The following ACTR3C variants were observed in gnomAD, a reference collection of about 807,000 sequenced individuals.
ACTR3C encodes actin-related protein 3C.
Under a neutral mutation model 26.3 loss-of-function variants are expected in ACTR3C, and 18 were observed. The ratio of observed to expected loss-of-function variants is 0.68; its 90% CI spans 0.47 to 1.01. The LOEUF (loss-of-function observed/expected upper bound fraction) is 1.01. Among genes scored for constraint, ACTR3C ranks in the 50% least tolerant of loss-of-function variants. ACTR3C has a pLI of 0.00. For missense variants in ACTR3C, 184 were observed against 250.7 expected (o/e 0.73, Z 1.80); for synonymous variants, 55 against 94.5 (o/e 0.58, Z 2.42).
chr7:150,100,147 G>A, the ACTR3C span, among the ~76,000 whole-genome samples: 2 of 151,558 alleles, frequency 1.3e-5, no homozygotes, highest in East Asian at 3.8e-4. Flanking sequence ...TGGATCCTTG[G>A]CTTCCACATA....
At chr7:150,018,966 T>C in the ACTR3C span, among the ~76,000 whole-genome samples, 2 of 150,400 alleles carry the variant, frequency 1.3e-5, no homozygotes, top group South Asian at 2.1e-4. Context: ...GTAATATAAA[T>C]TGAGAAAACA....
the ACTR3C span, among the ~76,000 whole-genome samples, chr7:150,096,131 C>G: frequency 4.8e-3 from 710 of 149,102 alleles, 39 homozygotes; most frequent in African/African-American, 0.017. Context: ...TTCACTTACA[C>G]ATTTTTATTT....
At chr7:150,115,236 C>G in the ACTR3C span, among the ~76,000 whole-genome samples, 1 of 152,160 alleles carries the variant, frequency 6.6e-6, no homozygotes, top group Non-Finnish European at 1.5e-5. Context: ...TGACAAACCC[C>G]AACTCTTTCA....
At chr7:150,252,870 T>C (rs1832950250) in intron 6 of ACTR3C, among the ~76,000 whole-genome samples, 1 of 152,170 alleles carries the variant, frequency 6.6e-6, no homozygotes, top group Non-Finnish European at 1.5e-5. Context: ...TTTTTATTAA[T>C]ATGATATATT....
At chr7:150,034,812 G>GT in the ACTR3C span, among the ~76,000 whole-genome samples, 2 of 139,660 alleles carry the variant, frequency 1.4e-5, no homozygotes, top group African/African-American at 2.7e-5. Flanking sequence ...TCCCCGCCTC[G>GT]TGGGGGGTGC....
At chr7:150,206,204 T>A in the ACTR3C span, among the ~76,000 whole-genome samples, 6 of 152,176 alleles carry the variant, frequency 3.9e-5, no homozygotes, top group African/African-American at 1.4e-4. Flanking sequence ...CGGCTGTCAG[T>A]CTAGTATCTT....
chr7:150,183,696 CA>C, the ACTR3C span, among the ~76,000 whole-genome samples: 3,004 of 48,014 alleles, frequency 0.063, 52 homozygotes, highest in African/African-American at 0.17. Context: ...GTGGCTATGG[CA>C]AAAAAAAAAA....
the ACTR3C span, among the ~76,000 whole-genome samples, chr7:150,226,603 A>AT: frequency 3.8e-4 from 58 of 152,052 alleles, no homozygotes; most frequent in African/African-American, 1.2e-3. Flanking sequence ...CGTCTGGCTA[A>AT]TTTTTTGTAT....
chr7:149,900,210 C>T, the ACTR3C span, among the ~76,000 whole-genome samples: 1 of 152,010 alleles, frequency 6.6e-6, no homozygotes, highest in South Asian at 2.1e-4. Flanking sequence ...GAGTATCGCT[C>T]TGTCACCCAG....
At chr7:150,123,051 CA>C in the ACTR3C span, among the ~76,000 whole-genome samples, 1 of 149,650 alleles carries the variant, frequency 6.7e-6, no homozygotes. Flanking sequence ...CAAATGGACA[CA>C]GTGAGGGGAA....
chr7:150,259,417 C>A (rs1393696139), intron 6 of ACTR3C, among the ~76,000 whole-genome samples: 1 of 152,138 alleles, frequency 6.6e-6, no homozygotes, highest in African/African-American at 2.4e-5. Flanking sequence ...GAATATCTGA[C>A]CCTATGAACT....
At chr7:150,022,581 C>T in the ACTR3C span, among the ~76,000 whole-genome samples, 1 of 152,014 alleles carries the variant, frequency 6.6e-6, no homozygotes, top group Non-Finnish European at 1.5e-5. Flanking sequence ...AGCTTCAGGC[C>T]CAGGGAGTAG....
chr7:150,317,933 G>T (rs1797101138), intron 1 of ACTR3C, among the ~76,000 whole-genome samples: 1 of 152,000 alleles, frequency 6.6e-6, no homozygotes, highest in African/African-American at 2.4e-5. Flanking sequence ...AAACCAAAAG[G>T]AACTATGGGA....
At chr7:149,914,415 A>G in the ACTR3C span, among the ~76,000 whole-genome samples, 1 of 151,478 alleles carries the variant, frequency 6.6e-6, no homozygotes, top group East Asian at 2.0e-4. Context: ...ACATGGTAAA[A>G]CCCCATCTTT....
the ACTR3C span, among the ~76,000 whole-genome samples, chr7:150,180,153 A>C: frequency 8.0e-5 from 12 of 149,988 alleles, no homozygotes; most frequent in Admixed American, 7.2e-4. Context: ...AAAATACAAA[A>C]AATTAGCCGG....
chr7:150,168,877 C>T, the ACTR3C span, among the ~76,000 whole-genome samples: 18 of 150,890 alleles, frequency 1.2e-4, 2 homozygotes, highest in East Asian at 3.9e-4. Flanking sequence ...GACATTTCTT[C>T]CTTCTAGGGA....
the ACTR3C span, among the ~76,000 whole-genome samples, chr7:149,896,229 T>G: frequency 6.6e-6 from 1 of 152,166 alleles, no homozygotes; most frequent in South Asian, 2.1e-4. Context: ...ATGAACTAAT[T>G]TCTTCAAACA....
chr7:149,953,559 A>G, the ACTR3C span, among the ~76,000 whole-genome samples: 1 of 152,056 alleles, frequency 6.6e-6, no homozygotes, highest in African/African-American at 2.4e-5. Flanking sequence ...GTTTACTGCA[A>G]TTCACCTCCT....
At chr7:150,148,544 A>C in the ACTR3C span, among the ~76,000 whole-genome samples, 1 of 152,224 alleles carries the variant, frequency 6.6e-6, no homozygotes, top group African/African-American at 2.4e-5. Context: ...CTCCCTGCCC[A>C]GAGCTCACCA....
Sources: allele counts gnomAD v4.1 joint callset (sites outside exome capture counted in the v4.1 genomes callset), GRCh38; gene constraint gnomAD v4.1.1; transcripts MANE v1.5; gene names NCBI Gene and HGNC (gene_info 2026-07-23, HGNC 2026-07-21).